The following TBC1D19 variants were observed in gnomAD, a reference collection of about 807,000 sequenced individuals.
The protein encoded by TBC1D19 is TBC1 domain family member 19, also known as TBC1 domain family, member 19.
In TBC1D19, 60 loss-of-function variants were observed where a neutral mutation model predicts 89.0. That is an observed-to-expected ratio of 0.67 (90% CI 0.55 to 0.84). TBC1D19 has a LOEUF of 0.84. TBC1D19 is among the 40% of genes least tolerant of loss of function. The pLI is 0.00. For synonymous variants in TBC1D19, 189 were observed against 199.7 expected, an observed-to-expected ratio of 0.95 and a Z score of 0.45; for missense variants, 500 against 610.8, an observed-to-expected ratio of 0.82 and a Z score of 1.91.
the TBC1D19 span, among the ~76,000 whole-genome samples, chr4:26,824,898 G>C: frequency 2.0e-5 from 3 of 152,096 alleles, no homozygotes; most frequent in Admixed American, 1.3e-4. Flanking sequence ...AAGTACAATT[G>C]CTGGGTACAG....
At chr4:26,740,343 C>T (rs921513685) in intron 17 of TBC1D19, among the ~76,000 whole-genome samples, 1 of 152,098 alleles carries the variant, frequency 6.6e-6, no homozygotes, top group Non-Finnish European at 1.5e-5. Flanking sequence ...CTACAAAGCA[C>T]TCAGTGTAGT....
chr4:26,700,547 A>G (rs1191541276), intron 13 of TBC1D19, among the ~76,000 whole-genome samples: 1 of 152,192 alleles, frequency 6.6e-6, no homozygotes, highest in African/African-American at 2.4e-5. Context: ...AGGTACAAAA[A>G]AAAAGTTTGT....
At chr4:26,740,718 A>G (rs1315374513) in intron 17 of TBC1D19, 3 of 985,130 alleles carry the variant, frequency 3.0e-6, no homozygotes, top group Non-Finnish European at 3.6e-6. Flanking sequence ...TGTGGGTAAC[A>G]TGACTGCTAC....
chr4:26,644,642 GCAGATGA>G (rs1743790963), intron 7 of TBC1D19, among the ~76,000 whole-genome samples: 1 of 152,214 alleles, frequency 6.6e-6, no homozygotes, highest in South Asian at 2.1e-4. Flanking sequence ...GTCCCTGTTT[GCAGATGA>G]CATGATTGTA....
At position 26,638,931 on chromosome 4, in the gene TBC1D19, A is replaced by G. The variant is rs528295826; in HGVS notation, c.433+97A>G. On this transcript the variant is annotated intron_variant, in intron 6 of 20. Transcript: ENST00000264866. ...CATAATTAACAATTCTTTTGGGAAG[A>G]TTGCAATTTTCCTTCTCATTAATTT... 32 of 1,020,732 alleles carry G rather than the reference A, an allele frequency of 3.1e-5. No homozygotes were observed. In the East Asian group the frequency reaches 8.1e-4, roughly 26 times the overall value. 63.2% of individuals were successfully genotyped at this position (1,020,732 alleles called of 1,614,324 possible).
intron 11 of TBC1D19, among the ~76,000 whole-genome samples, chr4:26,674,923 G>A (rs1427569457): frequency 6.6e-6 from 1 of 151,906 alleles, no homozygotes; most frequent in African/African-American, 2.4e-5. Flanking sequence ...TGCAAACTAT[G>A]TATACGTGCA....
chr4:26,764,195 GA>G, the TBC1D19 span, among the ~76,000 whole-genome samples: 1 of 152,162 alleles, frequency 6.6e-6, no homozygotes, highest in African/African-American at 2.4e-5. Flanking sequence ...GCTGATTGCT[GA>G]CCCTCACTCC....
the TBC1D19 span, among the ~76,000 whole-genome samples, chr4:26,811,684 T>A: frequency 4.6e-5 from 7 of 152,226 alleles, no homozygotes; most frequent in Non-Finnish European, 8.8e-5. Context: ...TGGTTGCCCA[T>A]TTTTGTGGTT....
intron 13 of TBC1D19, among the ~76,000 whole-genome samples, chr4:26,710,334 A>G (rs1716082471): frequency 6.6e-6 from 1 of 152,142 alleles, no homozygotes; most frequent in Admixed American, 6.5e-5. Flanking sequence ...TTCTAGCTTC[A>G]TCCATGTCCC....
chr4:26,800,106 T>C, the TBC1D19 span, among the ~76,000 whole-genome samples: 1 of 152,164 alleles, frequency 6.6e-6, no homozygotes, highest in East Asian at 1.9e-4. Flanking sequence ...GCTGCACCCA[T>C]TGACTCGTCA....
At chr4:26,740,073 AT>A in intron 17 of TBC1D19, 100 bp downstream of exon 17, 1 of 661,110 alleles carries the variant, frequency 1.5e-6, no homozygotes, top group Non-Finnish European at 2.3e-6. Flanking sequence ...AACGCAACAA[AT>A]TTTAATTTGT....
At chr4:26,817,437 CT>C in the TBC1D19 span, among the ~76,000 whole-genome samples, 15 of 152,284 alleles carry the variant, frequency 9.9e-5, no homozygotes, top group Admixed American at 8.5e-4. Flanking sequence ...TGGATCCCAC[CT>C]TGCCCACTTG....
chr4:26,796,766 T>G, the TBC1D19 span, among the ~76,000 whole-genome samples: 1 of 152,112 alleles, frequency 6.6e-6, no homozygotes, highest in Non-Finnish European at 1.5e-5. Flanking sequence ...TAATAATATA[T>G]TTATGTTTCA....
At chr4:26,772,344 C>T in the TBC1D19 span, among the ~76,000 whole-genome samples, 1 of 152,134 alleles carries the variant, frequency 6.6e-6, no homozygotes, top group Non-Finnish European at 1.5e-5. Flanking sequence ...AAGGGTCTTG[C>T]AGTCACAGAC....
intron 4 of TBC1D19, among the ~76,000 whole-genome samples, chr4:26,627,241 A>G (rs928688431): frequency 2.6e-5 from 4 of 151,932 alleles, no homozygotes; most frequent in African/African-American, 7.2e-5. Context: ...ATGGCTGCAT[A>G]GTATTCCATG....
chr4:26,780,590 GTCCC>G, the TBC1D19 span, among the ~76,000 whole-genome samples: 4 of 152,212 alleles, frequency 2.6e-5, no homozygotes, highest in Non-Finnish European at 5.9e-5. Context: ...CAAGACCAGT[GTCCC>G]AGCTAGCAAG....
chr4:26,636,274 G>A (rs1208383628), intron 4 of TBC1D19, among the ~76,000 whole-genome samples: 1 of 151,840 alleles, frequency 6.6e-6, no homozygotes, highest in Non-Finnish European at 1.5e-5. Flanking sequence ...ACATCATATG[G>A]CATTTTAGCT....
chr4:26,855,801 C>T, the TBC1D19 span, among the ~76,000 whole-genome samples: 1 of 152,078 alleles, frequency 6.6e-6, no homozygotes, highest in Non-Finnish European at 1.5e-5. Flanking sequence ...TGTAGGGAAC[C>T]CCTTGGCAGC....
intron 1 of TBC1D19, among the ~76,000 whole-genome samples, chr4:26,597,644 G>A (rs764709959): frequency 6.6e-5 from 10 of 151,488 alleles, no homozygotes; most frequent in Non-Finnish European, 1.0e-4. Flanking sequence ...GATTGCAGGC[G>A]TGAGCCACTG....
Sources: allele counts gnomAD v4.1 joint callset (sites outside exome capture counted in the v4.1 genomes callset), GRCh38; gene constraint gnomAD v4.1.1; transcripts MANE v1.5; gene names NCBI Gene and HGNC (gene_info 2026-07-23, HGNC 2026-07-21).